The following SLC12A3 variants were observed in gnomAD, a reference collection of about 807,000 sequenced individuals.
SLC12A3 encodes solute carrier family 12 member 3, also known as Na-Cl cotransporter.
Under a neutral mutation model 121.0 loss-of-function variants are expected in SLC12A3, and 104 were observed. The observed-to-expected ratio is 0.86, with a 90% CI of 0.73 to 1.01. The LOEUF (loss-of-function observed/expected upper bound fraction) is 1.01. Among genes scored for constraint, SLC12A3 ranks in the 50% least tolerant of loss-of-function variants. SLC12A3 has a pLI of 0.00. For synonymous variants in SLC12A3, 536 were observed against 533.4 expected (o/e 1.00, Z -0.07); for missense variants, 1,328 against 1,356.3 (o/e 0.98, Z 0.33).
intron 23 of SLC12A3, 54 bp downstream of exon 23, chr16:56,899,670 C>A: frequency 7.7e-7 from 1 of 1,293,304 alleles, no homozygotes; most frequent in Admixed American, 1.7e-5. Context: ...TGCCTGGAGA[C>A]CCCTCTGCCG....
intron 22 of SLC12A3, among the ~76,000 whole-genome samples, chr16:56,895,005 A>T (rs2055442824): frequency 1.4e-5 from 2 of 147,458 alleles, no homozygotes; most frequent in African/African-American, 2.6e-5. Flanking sequence ...TTAAGAAAAG[A>T]CAAGAAAAAT....
chr16:56,888,329 A>C (rs866752634), intron 18 of SLC12A3, among the ~76,000 whole-genome samples: 1 of 152,322 alleles, frequency 6.6e-6, no homozygotes, highest in South Asian at 2.1e-4. Flanking sequence ...AAACACGCTG[A>C]GGCTGAAGAT....
chr16:56,867,391 A>C (rs533352931), intron 2 of SLC12A3, among the ~76,000 whole-genome samples, 175 bp downstream of exon 2: 22 of 152,332 alleles, frequency 1.4e-4, no homozygotes, highest in African/African-American at 5.1e-4. Flanking sequence ...GCCGGGGAGT[A>C]ATTAGAAGAA....
intron 12 of SLC12A3, 22 bp from the exon 13 acceptor site, chr16:56,882,374 C>T (rs887145504): frequency 1.2e-6 from 2 of 1,603,678 alleles, no homozygotes; most frequent in African/African-American, 2.7e-5. Context: ...AGGCTGTCCT[C>T]TCTCTCCCTG....
In SLC12A3 at chr16:56,880,219, G is replaced by C; in HGVS notation, c.1533G>C (p.Leu511=). Residue 511 remains leucine, a synonymous_variant, in exon 12 of 26, where the codon CTG becomes CTC. Transcript: ENST00000563236. ...KNKEPVRGYL[L]AYAIAVAFII... ...AGGAGCCCGTGCGTGGCTACCTGCT[G>C]GCCTACGCCATCGCTGTGGCCTTCA... The C allele has an allele frequency of 6.3e-7, 1 of 1,589,138 alleles. No homozygotes were observed. Among genetic ancestry groups the C allele is most frequent in the Non-Finnish European group, 8.6e-7 (1 of 1,168,012 alleles).
chr16:56,886,581 T>G (rs570131290), intron 16 of SLC12A3, 106 bp downstream of exon 16: 32 of 1,037,592 alleles, frequency 3.1e-5, no homozygotes, highest in Non-Finnish European at 1.5e-6. Flanking sequence ...GGTCAGGAGT[T>G]TGAGACCAGC....
chr16:56,872,224 A>G, intron 6 of SLC12A3, 127 bp from the exon 7 acceptor site: 1 of 708,122 alleles, frequency 1.4e-6, no homozygotes, highest in Non-Finnish European at 2.6e-6. Flanking sequence ...CTGCTGCATA[A>G]TGGGTGTTGA....
At chr16:56,878,359 G>C (rs550095748) in intron 9 of SLC12A3, among the ~76,000 whole-genome samples, 198 bp downstream of exon 9, 1 of 152,118 alleles carries the variant, frequency 6.6e-6, no homozygotes, top group African/African-American at 2.4e-5. Flanking sequence ...GCAATGATCA[G>C]AGCATCTTCA....
intron 25 of SLC12A3, among the ~76,000 whole-genome samples, 179 bp from the exon 26 acceptor site, chr16:56,913,085 G>A (rs966242888): frequency 4.6e-5 from 7 of 152,172 alleles, no homozygotes; most frequent in African/African-American, 1.4e-4. Flanking sequence ...AACGCTTCAC[G>A]GCAGAAGGTC....
In SLC12A3 at chr16:56,870,709, C is replaced by G. The variant is rs140167332; in HGVS notation, c.825C>G (p.Ser275=). 6.2e-7 allele frequency: 1 copy of G among 1,613,020 alleles called. No individual in the cohort carries two copies. The highest frequency in any genetic ancestry group is 1.1e-5 in the South Asian group (1 of 91,058). The part of the protein sequence containing the change: ...VVSVTVLLAI[S]LAGMEWESKA... ...CGGTCACTGTGCTGCTGGCCATCTC[C>G]CTGGCTGGCATGGAGTGGGAGTCCA... Residue 275 remains serine (S), a synonymous_variant, in exon 6 of 26, where the codon TCC becomes TCG. Coordinates refer to ENST00000563236, the MANE Select transcript of SLC12A3 (RefSeq NM_001126108.2).
rs775559075 is a variant in SLC12A3 at position 56,904,390 on chromosome 16, C to T, written c.2857-5C>T. On this transcript the variant is annotated splice_polypyrimidine_tract_variant and splice_region_variant and intron_variant, in intron 24 of 25. Coordinates refer to ENST00000563236, the MANE Select transcript of SLC12A3 (RefSeq NM_001126108.2). ...GAAGTGACCACTCGGCTTTCTCCCG[C>T]CCAGTCCCTTCGGCAGGTGAGGCTG... 2.5e-6 allele frequency: 4 copies of T among 1,613,752 alleles called. No homozygotes were observed. The African/African-American group carries it at 4.0e-5, about 16-fold the overall frequency.
chr16:56,885,444 G>A, intron 15 of SLC12A3, 80 bp downstream of exon 15: 1 of 937,180 alleles, frequency 1.1e-6, no homozygotes, highest in South Asian at 1.4e-5. Flanking sequence ...GCCTAGACCT[G>A]TCACCTGACC....
At position 56,890,624 on chromosome 16, in the gene SLC12A3, C is replaced by T. The variant is rs145294088; in HGVS notation, c.2368+268C>T. ...GCAAAAGGATCTAATATAGGCCGGA[C>T]ATGGTGGCTCACGCCTGTAATCCCA... On this transcript the variant is annotated intron_variant, in intron 19 of 25. Transcript: ENST00000563236. 4.0e-3 allele frequency among the ~76,000 whole-genome samples: 606 copies of T among 152,320 alleles called. 3 individuals carry two copies. Among genetic ancestry groups the T allele is most frequent in the African/African-American group, 0.014 (572 of 41,550 alleles).
intron 8 of SLC12A3, 128 bp from the exon 9 acceptor site, chr16:56,877,949 T>C: frequency 1.6e-6 from 1 of 638,276 alleles, no homozygotes; most frequent in Admixed American, 2.5e-5. Flanking sequence ...CAGAGGTTGC[T>C]GCCCCCAGCC....
At chr16:56,879,696 G>A in intron 11 of SLC12A3, 47 bp downstream of exon 11, 1 of 1,419,412 alleles carries the variant, frequency 7.0e-7, no homozygotes, top group Non-Finnish European at 9.9e-7. Flanking sequence ...GGGGAGCCTG[G>A]GCTAGAGGCA....
In SLC12A3 at chr16:56,902,253, G is replaced by C; in HGVS notation, c.2721-120G>C. ...AGCCACTTTGTAAATGGCAGTGTCC[G>C]ATGGGTTTCAGCCTGAAAATGGGAG... On this transcript the variant is annotated intron_variant, in intron 23 of 25. Transcript: ENST00000563236. 9 of 1,285,014 alleles carry C rather than the reference G, an allele frequency of 7.0e-6. No homozygotes were observed. The South Asian group carries it at 8.5e-5, about 12-fold the overall frequency. 79.6% of individuals were successfully genotyped at this position (1,285,014 alleles called of 1,614,324 possible).
chr16:56,903,023 C>T (rs1430379650), intron 24 of SLC12A3, among the ~76,000 whole-genome samples: 6 of 152,012 alleles, frequency 3.9e-5, no homozygotes, highest in African/African-American at 1.5e-4. Context: ...GTGGCAGGCA[C>T]CTGTAATCCC....
At position 56,879,634 on chromosome 16, in the gene SLC12A3, T is replaced by C. The variant is rs2144712814; in HGVS notation, c.1428T>C (p.Ala476=). 7 of 1,612,996 alleles carry C rather than the reference T, an allele frequency of 4.3e-6. No homozygotes were observed. Among genetic ancestry groups the C allele is most frequent in the Non-Finnish European group, 5.9e-6 (7 of 1,179,696 alleles). ...LSSALACLVS[A]AKVFQCLCED... ...CTGCCCTGGCCTGCCTTGTCTCTGC[T>C]GCCAAAGTCTTCCAGGTGAGGCCGC... The change falls in exon 11 of 26, where the codon GCT becomes GCC. Residue 476 remains alanine (A), a synonymous_variant. Coordinates refer to ENST00000563236, the MANE Select transcript of SLC12A3 (RefSeq NM_001126108.2).
chr16:56,892,108 G>A lies in SLC12A3; in HGVS notation c.2394G>A (p.Glu798=), dbSNP rs2055396102. The change falls in exon 20 of 26, where the codon GAG becomes GAA. Residue 798 remains glutamate (E), a synonymous_variant. Coordinates refer to ENST00000563236, the MANE Select transcript of SLC12A3 (RefSeq NM_001126108.2). ...TTAACCCCGTGTTTGACCCAGCGGA[G>A]GACGGGAAGGAAGCCAGCGCCAGAG... ...AHINPVFDPA[E]DGKEASARVD... is the part of the protein sequence containing the mutation. The A allele has an allele frequency of 6.2e-7, 1 of 1,613,938 alleles. No individual in the cohort carries two copies. The highest frequency in any genetic ancestry group is 8.5e-7 in the Non-Finnish European group (1 of 1,179,832).
Sources: gnomAD v4.1 joint callset for allele counts (sites outside exome capture counted in the v4.1 genomes callset) on GRCh38, gnomAD v4.1.1 for gene constraint, MANE v1.5 for transcripts, NCBI Gene and HGNC (gene_info 2026-07-23, HGNC 2026-07-21) for gene names.